OPCML: variants seen among roughly 807,000 people sequenced by gnomAD.
The protein encoded by OPCML is opioid binding protein/cell adhesion molecule like.
In OPCML, 13 loss-of-function variants were observed where a neutral mutation model predicts 37.8. That is an observed-to-expected ratio of 0.34 (90% CI 0.22 to 0.55). The LOEUF (loss-of-function observed/expected upper bound fraction) is 0.55. Among genes scored for constraint, OPCML ranks in the 20% least tolerant of loss-of-function variants. The probability of loss-of-function intolerance (pLI) is 0.91; values close to 1 mark genes in which losing one functional copy is unlikely to be tolerated. For synonymous variants in OPCML, 176 were observed against 168.8 expected (o/e 1.04, Z -0.33); for missense variants, 341 against 435.6 (o/e 0.78, Z 1.93).
intron 1 of OPCML, among the ~76,000 whole-genome samples, chr11:133,424,659 G>A (rs1945963579): frequency 6.6e-6 from 1 of 152,108 alleles, no homozygotes; most frequent in Non-Finnish European, 1.5e-5. Flanking sequence ...TTCTAAAAAT[G>A]CCGTGATAAA....
intron 1 of OPCML, among the ~76,000 whole-genome samples, chr11:133,326,268 TGTATGTGTGTGG>T (rs1943445923): frequency 8.8e-6 from 1 of 113,764 alleles, no homozygotes; most frequent in African/African-American, 3.5e-5. Context: ...GTGGGGTGTG[TGTATGTGTGTGG>T]GGGTGTGGGT....
At chr11:133,311,294 G>C (rs1943062180) in intron 1 of OPCML, among the ~76,000 whole-genome samples, 1 of 152,164 alleles carries the variant, frequency 6.6e-6, no homozygotes, top group Non-Finnish European at 1.5e-5. Context: ...GGTTTACTAG[G>C]AGGGCAAAAG....
chr11:132,881,738 G>A (rs556861062), intron 2 of OPCML, among the ~76,000 whole-genome samples: 1 of 152,330 alleles, frequency 6.6e-6, no homozygotes, highest in East Asian at 1.9e-4. Context: ...TTTCAAATCA[G>A]CCTAAACTGG....
At chr11:133,407,855 G>T (rs940620717) in intron 1 of OPCML, among the ~76,000 whole-genome samples, 1 of 152,158 alleles carries the variant, frequency 6.6e-6, no homozygotes, top group Non-Finnish European at 1.5e-5. Flanking sequence ...TCTCAAGGGA[G>T]TCAGGTCCCT....
At chr11:132,428,933 A>G (rs1182209256) in intron 7 of OPCML, among the ~76,000 whole-genome samples, 2 of 152,224 alleles carry the variant, frequency 1.3e-5, no homozygotes, top group Non-Finnish European at 2.9e-5. Flanking sequence ...TGTTTGTGCA[A>G]GATCAGAAAT....
chr11:132,721,950 C>CTTTTTTTTTTTTTTTTTTTTTT (rs34325848), intron 2 of OPCML, among the ~76,000 whole-genome samples: 1 of 82,792 alleles, frequency 1.2e-5, no homozygotes, highest in Non-Finnish European at 2.2e-5. Flanking sequence ...CTTTCCTTCC[C>CTTTTTTTTTTTTTTTTTTTTTT]TTTTTTTTTT....
intron 3 of OPCML, among the ~76,000 whole-genome samples, chr11:132,532,278 T>C (rs1183512636): frequency 1.3e-5 from 2 of 152,182 alleles, no homozygotes; most frequent in Non-Finnish European, 2.9e-5. Context: ...CTCCGTCATG[T>C]TCTCTGTCAT....
intron 3 of OPCML, among the ~76,000 whole-genome samples, chr11:132,571,290 C>G (rs1053135377): frequency 1.3e-5 from 2 of 152,078 alleles, no homozygotes; most frequent in Admixed American, 6.6e-5. Flanking sequence ...AACTGAGACA[C>G]TACTGGCTTC....
intron 3 of OPCML, among the ~76,000 whole-genome samples, chr11:132,630,212 G>T (rs1312004766): frequency 6.6e-6 from 1 of 152,174 alleles, no homozygotes; most frequent in Non-Finnish European, 1.5e-5. Flanking sequence ...AATGTATGAA[G>T]ATGTTCATCA....
intron 1 of OPCML, among the ~76,000 whole-genome samples, chr11:133,370,433 T>C (rs1944646962): frequency 6.9e-6 from 1 of 144,340 alleles, no homozygotes; most frequent in African/African-American, 2.6e-5. Context: ...CAATAATGAA[T>C]GAGCCTAGAT....
At chr11:133,431,486 G>A (rs965984724) in intron 1 of OPCML, among the ~76,000 whole-genome samples, 2 of 151,844 alleles carry the variant, frequency 1.3e-5, no homozygotes, top group South Asian at 2.1e-4. Context: ...TGTTTTCGAC[G>A]CGGAGTTTTG....
At chr11:132,751,058 C>G (rs559667156) in intron 2 of OPCML, among the ~76,000 whole-genome samples, 93 of 152,288 alleles carry the variant, frequency 6.1e-4, no homozygotes, top group Non-Finnish European at 1.3e-3. Flanking sequence ...AAAATGTGAT[C>G]ATGAACAAAC....
At chr11:133,093,525 A>T (rs987829242) in intron 1 of OPCML, among the ~76,000 whole-genome samples, 1 of 152,172 alleles carries the variant, frequency 6.6e-6, no homozygotes, top group Non-Finnish European at 1.5e-5. Context: ...GTAATTTATG[A>T]TTAGAATTCC....
chr11:132,586,989 C>T (rs1011154535), intron 3 of OPCML, among the ~76,000 whole-genome samples: 1 of 152,188 alleles, frequency 6.6e-6, no homozygotes, highest in African/African-American at 2.4e-5. Context: ...TTCGGGCATA[C>T]TAATATGATT....
At chr11:132,803,253 G>A (rs1002966538) in intron 2 of OPCML, among the ~76,000 whole-genome samples, 3 of 152,058 alleles carry the variant, frequency 2.0e-5, no homozygotes, top group Non-Finnish European at 2.9e-5. Context: ...TTAGAAATAC[G>A]CTCCTTGAAG....
chr11:132,757,017 TTCAAC>T (rs1946074008), intron 2 of OPCML, among the ~76,000 whole-genome samples: 1 of 152,170 alleles, frequency 6.6e-6, no homozygotes, highest in Non-Finnish European at 1.5e-5. Flanking sequence ...GTTCTCATTG[TTCAAC>T]TCCCACTTAT....
chr11:132,474,035 G>A (rs189105475), intron 4 of OPCML, among the ~76,000 whole-genome samples: 283 of 152,238 alleles, frequency 1.9e-3, no homozygotes, highest in Middle Eastern at 3.4e-3. Context: ...ACACGTAGCA[G>A]GAAGGATGGG....
At chr11:132,835,069 T>C (rs1333041629) in intron 2 of OPCML, among the ~76,000 whole-genome samples, 2 of 151,604 alleles carry the variant, frequency 1.3e-5, no homozygotes, top group Non-Finnish European at 2.9e-5. Context: ...GGTCATAAAA[T>C]TGATTTCATC....
chr11:132,463,657 C>T (rs934978134), intron 4 of OPCML, among the ~76,000 whole-genome samples: 1 of 152,186 alleles, frequency 6.6e-6, no homozygotes. Flanking sequence ...AGCCATTTGA[C>T]CTTTGAGGAC....
Sources: gnomAD v4.1 joint callset for allele counts (sites outside exome capture counted in the v4.1 genomes callset) on GRCh38, gnomAD v4.1.1 for gene constraint, MANE v1.5 for transcripts, NCBI Gene and HGNC (gene_info 2026-07-23, HGNC 2026-07-21) for gene names.